Variants in PILRA observed in about 807,000 individuals in gnomAD.
PILRA encodes paired immunoglobulin-like type 2 receptor alpha.
PILRA carries 37 observed loss-of-function variants against 33.1 expected under a neutral mutation model. The observed-to-expected ratio is 1.12, with a 90% CI of 0.86 to 1.47. The LOEUF (loss-of-function observed/expected upper bound fraction) is 1.47, where lower values mean the gene tolerates loss of function less well. Ranked by LOEUF, PILRA falls within the 40% of genes most tolerant of loss-of-function variation. The pLI is 0.00. For missense variants in PILRA, 312 were observed against 376.2 expected (o/e 0.83, Z 1.41); for synonymous variants, 146 against 149.9 (o/e 0.97, Z 0.19).
At chr7:100,378,791 T>C (rs1199296501) in intron 2 of PILRA, among the ~76,000 whole-genome samples, 2 of 152,036 alleles carry the variant, frequency 1.3e-5, no homozygotes, top group African/African-American at 4.8e-5. Flanking sequence ...TAATTGTCAT[T>C]GTAAAAGTAA....
intron 3 of PILRA, among the ~76,000 whole-genome samples, chr7:100,390,338 C>A (rs534434015): frequency 6.6e-6 from 1 of 152,114 alleles, no homozygotes; most frequent in African/African-American, 2.4e-5. Flanking sequence ...CCGATCCCCC[C>A]CTAGTTCTTC....
intron 4 of PILRA, 103 bp downstream of exon 4, chr7:100,398,015 C>T: frequency 2.7e-6 from 3 of 1,131,696 alleles, no homozygotes; most frequent in Non-Finnish European, 4.0e-6. Context: ...ACAAACCCAG[C>T]CTGCCACGGC....
chr7:100,377,129 A>G (rs1236029017), intron 2 of PILRA, among the ~76,000 whole-genome samples: 1 of 151,878 alleles, frequency 6.6e-6, no homozygotes, highest in Non-Finnish European at 1.5e-5. Flanking sequence ...GAATATTTGT[A>G]GCAGATATAA....
intron 2 of PILRA, among the ~76,000 whole-genome samples, chr7:100,388,310 G>C (rs1457012812): frequency 6.6e-6 from 1 of 152,112 alleles, no homozygotes; most frequent in Non-Finnish European, 1.5e-5. Context: ...AATTTTTTAA[G>C]GGTGCGTGAA....
rs1278956802 is a variant in PILRA at position 100,374,522 on chromosome 7, C to A, written c.454+89C>A. On this transcript the variant is annotated intron_variant, in intron 2 of 6. Coordinates refer to ENST00000198536, the MANE Select transcript of PILRA (RefSeq NM_013439.3). ...ACATCGTCCCCAGCACCTCAGACCC[C>A]ACTTCTTCTGACGACCCCTAAGTTC... The A allele has an allele frequency of 9.3e-6, 14 of 1,509,902 alleles. No individual in the cohort carries two copies. The Admixed American group carries it at 2.4e-4, about 26-fold the overall frequency. 93.5% of individuals were successfully genotyped at this position (1,509,902 alleles called of 1,614,324 possible). A position where few individuals can be genotyped will look rare whatever the true frequency, so the allele number is the denominator to read the frequency against.
chr7:100,380,644 G>A lies in PILRA; in HGVS notation c.454+6211G>A, dbSNP rs182958877. Among the ~76,000 whole-genome samples the A allele has an allele frequency of 2.8e-3, 421 of 152,198 alleles. 2 individuals are homozygous for A. Among genetic ancestry groups the A allele is most frequent in the Admixed American group, 5.2e-3 (80 of 15,286 alleles). On this transcript the variant is annotated intron_variant, in intron 2 of 6. Coordinates refer to ENST00000198536, the MANE Select transcript of PILRA (RefSeq NM_013439.3). ...GAATCTGGCAACATAGCAAGACTCT[G>A]TCTCTATAAAAAAATACAATTTAAA...
In PILRA at chr7:100,389,983, A is replaced by G. The variant is rs144523709; in HGVS notation, c.550A>G (p.Lys184Glu). 182 of 1,613,992 alleles carry G rather than the reference A, an allele frequency of 1.1e-4. No homozygotes were observed. The highest frequency in any genetic ancestry group is 1.5e-4 in the Non-Finnish European group (178 of 1,180,010). Reference protein sequence around the residue: ...TTTGLRVTQGKRRSDSWHISL... With the variant: ...TTTGLRVTQGERRSDSWHISL... ...AACCGGCCTCAGGGTCACACAGGGCAAACGACGCTCAGACTCTTGGCACAT... is the reference window on the plus strand; with the variant it reads ...AACCGGCCTCAGGGTCACACAGGGCGAACGACGCTCAGACTCTTGGCACAT... The change falls in exon 3 of 7, where the codon AAA becomes GAA. Residue 184 changes from lysine (K) to glutamate (E), a missense_variant. By Grantham distance (56) the Lys-to-Glu change is moderately conservative (BLOSUM62 1). Transcript: ENST00000198536.
intron 2 of PILRA, among the ~76,000 whole-genome samples, chr7:100,382,740 C>T (rs1455556094): frequency 1.3e-5 from 2 of 152,128 alleles, no homozygotes; most frequent in African/African-American, 2.4e-5. Context: ...TGCACTAAGT[C>T]TTGCTGCTGC....
chr7:100,384,026 A>C (rs1791191818), intron 2 of PILRA, among the ~76,000 whole-genome samples: 1 of 152,112 alleles, frequency 6.6e-6, no homozygotes, highest in Admixed American at 6.6e-5. Context: ...GACTGGGGAG[A>C]GAGGACGCAG....
rs1158428142 is a variant in PILRA at position 100,399,320 on chromosome 7, A to G, written c.737A>G (p.Tyr246Cys). ...REPFQNTEEP[Y>C]ENIRNEGQNT... The stretch of plus-strand genomic sequence containing the variant: ...CCCTTCCAAAACACAGAGGAGCCAT[A>G]TGAGAATATCAGGAATGAAGGTGAG... Residue 246 changes from tyrosine (Y) to cysteine (C), a missense_variant, in exon 5 of 7, where the codon TAT (tyrosine) becomes TGT (cysteine). Coordinates refer to ENST00000198536, the MANE Select transcript of PILRA (RefSeq NM_013439.3). 1.2e-6 allele frequency: 2 copies of G among 1,612,758 alleles called. No homozygotes were observed.
upstream of PILRA, among the ~76,000 whole-genome samples, chr7:100,371,493 G>C (rs1256269457): frequency 6.6e-6 from 1 of 152,136 alleles, no homozygotes; most frequent in African/African-American, 2.4e-5. Context: ...GGGGCTGGGG[G>C]CAGGGACGGA....
upstream of PILRA, among the ~76,000 whole-genome samples, chr7:100,372,512 G>A (rs189723976): frequency 6.6e-6 from 1 of 152,296 alleles, no homozygotes; most frequent in African/African-American, 2.4e-5. Context: ...TACGGAGGGA[G>A]CCCTGTGCAC....
intron 2 of PILRA, among the ~76,000 whole-genome samples, chr7:100,379,771 G>A (rs1161791026): frequency 6.6e-6 from 1 of 151,560 alleles, no homozygotes; most frequent in East Asian, 1.9e-4. Context: ...TAAAATGATA[G>A]CAAAGGGAAT....
chr7:100,377,206 GTTC>G (rs1438691607), intron 2 of PILRA, among the ~76,000 whole-genome samples: 3 of 114,548 alleles, frequency 2.6e-5, no homozygotes, highest in African/African-American at 1.0e-4. Context: ...ACCTAATTGT[GTTC>G]TTCTTTGTCA....
At chr7:100,387,527 G>C (rs1335706896) in intron 2 of PILRA, among the ~76,000 whole-genome samples, 1 of 152,078 alleles carries the variant, frequency 6.6e-6, no homozygotes, top group Non-Finnish European at 1.5e-5. Flanking sequence ...AGGTATACTA[G>C]TTCTTAAATC....
At chr7:100,386,757 G>A (rs568766440) in intron 2 of PILRA, among the ~76,000 whole-genome samples, 4 of 151,662 alleles carry the variant, frequency 2.6e-5, no homozygotes, top group African/African-American at 9.7e-5. Flanking sequence ...CAAAACTCCT[G>A]GGCTCAAGTG....
At position 100,381,970 on chromosome 7, in the gene PILRA, G is replaced by C. The variant is rs1033110486; in HGVS notation, c.454+7537G>C. 1.4e-4 allele frequency among the ~76,000 whole-genome samples: 21 copies of C among 152,160 alleles called. No homozygotes were observed. In the South Asian group the frequency reaches 3.5e-3, roughly 26 times the overall value. Reference sequence around the variant, plus strand: ...GCTGCCTCCCGGCAGGGCAGGGCTCGGGACCTGCAGCCCGCCATGCCTCAG... The same window carrying C: ...GCTGCCTCCCGGCAGGGCAGGGCTCCGGACCTGCAGCCCGCCATGCCTCAG... On this transcript the variant is annotated intron_variant, in intron 2 of 6. Coordinates refer to ENST00000198536, the MANE Select transcript of PILRA (RefSeq NM_013439.3).
At chr7:100,373,805 A>AG in intron 1 of PILRA, 85 bp downstream of exon 1, 1 of 1,551,166 alleles carries the variant, frequency 6.4e-7, no homozygotes, top group Non-Finnish European at 8.8e-7. Flanking sequence ...CATCTTGGGG[A>AG]GGGCCCAGGC....
At chr7:100,394,279 G>T (rs979231723) in intron 3 of PILRA, among the ~76,000 whole-genome samples, 2 of 152,082 alleles carry the variant, frequency 1.3e-5, no homozygotes, top group Non-Finnish European at 2.9e-5. Flanking sequence ...AGGTACAGTG[G>T]CATAATGACA....
Sources: gnomAD v4.1 joint callset for allele counts (sites outside exome capture counted in the v4.1 genomes callset) on GRCh38, gnomAD v4.1.1 for gene constraint, MANE v1.5 for transcripts, NCBI Gene and HGNC (gene_info 2026-07-23, HGNC 2026-07-21) for gene names.